The following SGMS1 variants were observed in gnomAD, a reference collection of about 807,000 sequenced individuals.
The protein encoded by SGMS1 is sphingomyelin synthase 1, also known as phosphatidylcholine:ceramide cholinephosphotransferase 1.
In SGMS1, 13 loss-of-function variants were observed where a neutral mutation model predicts 46.2. That is an observed-to-expected ratio of 0.28 (90% CI 0.18 to 0.45). The LOEUF is 0.45. Among genes scored for constraint, SGMS1 ranks in the 20% least tolerant of loss-of-function variants. SGMS1 has a pLI of 1.00. For missense variants in SGMS1, 324 were observed against 519.9 expected, an observed-to-expected ratio of 0.62 and a Z score of 3.66; for synonymous variants, 203 against 187.8, an observed-to-expected ratio of 1.08 and a Z score of -0.66.
At chr10:50,488,158 C>G (rs572862284) in intron 3 of SGMS1, among the ~76,000 whole-genome samples, 1 of 151,858 alleles carries the variant, frequency 6.6e-6, no homozygotes, top group Non-Finnish European at 1.5e-5. Flanking sequence ...GGATTATAAG[C>G]GCCCGCCACC....
At chr10:50,353,647 T>C (rs1040633500) in intron 6 of SGMS1, among the ~76,000 whole-genome samples, 14 of 152,408 alleles carry the variant, frequency 9.2e-5, no homozygotes, top group Middle Eastern at 6.8e-3. Flanking sequence ...GGAAGTCAAA[T>C]TGTCCCTGTT....
chr10:50,586,548 C>T (rs1441680878), intron 2 of SGMS1, among the ~76,000 whole-genome samples: 1 of 152,196 alleles, frequency 6.6e-6, no homozygotes, highest in Non-Finnish European at 1.5e-5. Flanking sequence ...TCATCAATTG[C>T]CTGTTGTTTG....
intron 3 of SGMS1, among the ~76,000 whole-genome samples, chr10:50,483,617 C>G (rs565564088): frequency 6.6e-6 from 1 of 152,070 alleles, no homozygotes; most frequent in Non-Finnish European, 1.5e-5. Flanking sequence ...TGGCAACTTA[C>G]TCTAAAATTG....
intron 6 of SGMS1, among the ~76,000 whole-genome samples, chr10:50,386,273 T>C (rs1271288724): frequency 6.6e-6 from 1 of 152,160 alleles, no homozygotes; most frequent in Non-Finnish European, 1.5e-5. Context: ...ACCTCAACTT[T>C]GGAAACACAT....
chr10:50,521,199 A>G (rs1837854096), intron 2 of SGMS1, among the ~76,000 whole-genome samples: 1 of 152,172 alleles, frequency 6.6e-6, no homozygotes, highest in Non-Finnish European at 1.5e-5. Context: ...AAATAATTTC[A>G]AGCTTACAGA....
At chr10:50,571,680 A>G (rs748300966) in intron 2 of SGMS1, among the ~76,000 whole-genome samples, 6 of 152,240 alleles carry the variant, frequency 3.9e-5, no homozygotes, top group Non-Finnish European at 5.9e-5. Flanking sequence ...ATATATACAC[A>G]TATATATGAC....
chr10:50,577,308 G>C (rs1165532749), intron 2 of SGMS1, among the ~76,000 whole-genome samples: 1 of 152,078 alleles, frequency 6.6e-6, no homozygotes, highest in Non-Finnish European at 1.5e-5. Context: ...AAAAACCCTT[G>C]TCTATGTCTT....
chr10:50,326,477 C>T (rs1033166114), intron 8 of SGMS1, among the ~76,000 whole-genome samples: 4 of 152,196 alleles, frequency 2.6e-5, no homozygotes, highest in Non-Finnish European at 1.5e-5. Context: ...ACTATATTTT[C>T]TCCCACCAAA....
intron 6 of SGMS1, among the ~76,000 whole-genome samples, chr10:50,358,451 A>C (rs1276805808): frequency 6.6e-6 from 1 of 152,190 alleles, no homozygotes. Context: ...TGGCTCACAC[A>C]TTTTGGGAGG....
intron 5 of SGMS1, among the ~76,000 whole-genome samples, chr10:50,445,921 TCTAAGGGGAGG>T (rs1837006390): frequency 6.6e-6 from 1 of 152,152 alleles, no homozygotes; most frequent in Non-Finnish European, 1.5e-5. Flanking sequence ...AGAATGCATT[TCTAAGGGGAGG>T]CCTCTGAAAT....
intron 2 of SGMS1, among the ~76,000 whole-genome samples, chr10:50,582,050 G>A (rs1266974727): frequency 6.6e-6 from 1 of 152,228 alleles, no homozygotes; most frequent in African/African-American, 2.4e-5. Flanking sequence ...TGGCCCTCCA[G>A]CAAGCTTTGT....
At chr10:50,365,229 G>C (rs1185729923) in intron 6 of SGMS1, among the ~76,000 whole-genome samples, 1 of 108,042 alleles carries the variant, frequency 9.3e-6, no homozygotes, top group African/African-American at 2.9e-5. Flanking sequence ...CTCCAGCCTG[G>C]GCGACGGAGT....
At chr10:50,516,705 A>C (rs1169126202) in intron 3 of SGMS1, among the ~76,000 whole-genome samples, 2 of 152,234 alleles carry the variant, frequency 1.3e-5, no homozygotes, top group Non-Finnish European at 2.9e-5. Context: ...ATAAATTGAT[A>C]AAGAGTACTT....
chr10:50,611,428 A>G (rs6481442), intron 1 of SGMS1, among the ~76,000 whole-genome samples: 108,382 of 152,134 alleles, frequency 0.71, 38,752 homozygotes, highest in South Asian at 0.8. Context: ...ACTGTTCTTC[A>G]TCACTCCTCA....
At chr10:50,499,701 C>G (rs979193051) in intron 3 of SGMS1, among the ~76,000 whole-genome samples, 1 of 152,148 alleles carries the variant, frequency 6.6e-6, no homozygotes, top group Non-Finnish European at 1.5e-5. Context: ...GTAACAAGAA[C>G]TTGTCATATA....
chr10:50,423,261 G>A (rs1200380914), intron 6 of SGMS1, among the ~76,000 whole-genome samples: 2 of 151,602 alleles, frequency 1.3e-5, no homozygotes, highest in East Asian at 3.9e-4. Context: ...TTTATCATTG[G>A]CTTTATTCTT....
At chr10:50,319,242 G>A (rs1456885626) in intron 8 of SGMS1, among the ~76,000 whole-genome samples, 1 of 151,158 alleles carries the variant, frequency 6.6e-6, no homozygotes, top group Non-Finnish European at 1.5e-5. Context: ...GTGAGCACCT[G>A]TAGACACTTC....
intron 2 of SGMS1, among the ~76,000 whole-genome samples, chr10:50,551,084 T>G (rs1187920806): frequency 6.6e-6 from 1 of 152,080 alleles, no homozygotes; most frequent in African/African-American, 2.4e-5. Context: ...TATAGTGACT[T>G]CCTTCCAAAG....
At chr10:50,380,378 C>CAAAAAA (rs10646459) in intron 6 of SGMS1, among the ~76,000 whole-genome samples, 2 of 121,512 alleles carry the variant, frequency 1.6e-5, no homozygotes, top group Non-Finnish European at 3.5e-5. Flanking sequence ...GACTCTGTAT[C>CAAAAAA]AAAAAAAAAA....
Sources: gnomAD v4.1 joint callset for allele counts (sites outside exome capture counted in the v4.1 genomes callset) on GRCh38, gnomAD v4.1.1 for gene constraint, MANE v1.5 for transcripts, NCBI Gene and HGNC (gene_info 2026-07-23, HGNC 2026-07-21) for gene names.